The following RAB7A variants were observed in gnomAD, a reference collection of about 807,000 sequenced individuals.
RAB7A encodes the protein RAB7A, member RAS oncogene family, also known as ras-related protein Rab-7a.
Under a neutral mutation model 24.5 loss-of-function variants are expected in RAB7A, and 2 were observed. The observed-to-expected ratio is 0.08, with a 90% confidence interval of 0.03 to 0.26. The LOEUF is 0.26. Ranked by LOEUF, RAB7A falls within the 10% of genes least tolerant of loss-of-function variation. The pLI is 1.00. For missense variants in RAB7A, 118 were observed against 255.7 expected, an observed-to-expected ratio of 0.46 and a Z score of 3.67; for synonymous variants, 100 against 95.9, an observed-to-expected ratio of 1.04 and a Z score of -0.25.
chr3:128,799,006 G>T (rs1250785569), intron 3 of RAB7A: 1 of 172,034 alleles, frequency 5.8e-6, no homozygotes, highest in African/African-American at 2.4e-5. Context: ...TCACATCTGG[G>T]GCCAATCATT....
chr3:128,737,825 G>GTT lies in RAB7A; in HGVS notation c.-9+11497_-9+11498dup, dbSNP rs56027163. The stretch of plus-strand genomic sequence containing the variant: ...CACCACATCTGGCTATTTTTTTGTA[G>GTT]TTTTTTTTTTTTTTTTTTTTTTTTT... On this transcript the variant is annotated intron_variant, in intron 1 of 5. Transcript: ENST00000265062. Among the ~76,000 whole-genome samples the GTT allele has an allele frequency of 0.027, 1,612 of 59,362 alleles. 321 individuals carry two copies. The East Asian group carries it at 0.3, about 11-fold the overall frequency. 38.9% of individuals were successfully genotyped at this position (59,362 alleles called of 152,430 possible).
intron 1 of RAB7A, among the ~76,000 whole-genome samples, chr3:128,736,866 A>G (rs550865582): frequency 2.6e-4 from 39 of 152,218 alleles, no homozygotes; most frequent in Non-Finnish European, 5.3e-4. Context: ...GGGAAATAGC[A>G]CTAGTATCAT....
At chr3:128,749,800 G>A (rs1166113319) in intron 1 of RAB7A, among the ~76,000 whole-genome samples, 1 of 152,208 alleles carries the variant, frequency 6.6e-6, no homozygotes, top group Non-Finnish European at 1.5e-5. Context: ...CCCCAGCCAC[G>A]TGGAACTATA....
rs142137416 is a variant in RAB7A, at chr3:128,795,253, G to T, written c.-8-107G>T. Reference sequence around the variant, plus strand: ...TGGAAGGAAGATACCTAGCAGGAAGGTTCAGGGCCCTGCACTGTTGGGGCT... The same window carrying T: ...TGGAAGGAAGATACCTAGCAGGAAGTTTCAGGGCCCTGCACTGTTGGGGCT... On this transcript the variant is annotated intron_variant, in intron 1 of 5. Coordinates refer to ENST00000265062, the MANE Select transcript of RAB7A (RefSeq NM_004637.6). 585 of 925,964 alleles carry T rather than the reference G, an allele frequency of 6.3e-4. 6 individuals are homozygous for T. In the East Asian group the frequency reaches 0.011, roughly 18 times the overall value. The allele number at this position is 925,964 out of a possible 1,614,324, so 57.4% of individuals were successfully genotyped here.
At chr3:128,744,608 C>G (rs2070590663) in intron 1 of RAB7A, among the ~76,000 whole-genome samples, 1 of 152,216 alleles carries the variant, frequency 6.6e-6, no homozygotes, top group South Asian at 2.1e-4. Flanking sequence ...GGGGACCACA[C>G]CTGTGCCACT....
At chr3:128,801,563 A>G (rs1933699236) in intron 3 of RAB7A, among the ~76,000 whole-genome samples, 1 of 113,732 alleles carries the variant, frequency 8.8e-6, no homozygotes. Flanking sequence ...ATAGGGGGAG[A>G]AAATGAAGCA....
chr3:128,796,741 C>A (rs145970829), intron 2 of RAB7A, among the ~76,000 whole-genome samples: 106 of 152,240 alleles, frequency 7.0e-4, no homozygotes, highest in African/African-American at 2.5e-3. Flanking sequence ...CAGCTCACTG[C>A]AGCCTCAACC....
chr3:128,786,111 T>G (rs1475071536), intron 1 of RAB7A, among the ~76,000 whole-genome samples: 1 of 152,204 alleles, frequency 6.6e-6, no homozygotes, highest in African/African-American at 2.4e-5. Context: ...CTGATGAGCT[T>G]CTTTTTCTTC....
chr3:128,807,406 C>A, intron 4 of RAB7A, 137 bp from the exon 5 acceptor site: 2 of 1,332,460 alleles, frequency 1.5e-6, no homozygotes, highest in Non-Finnish European at 2.1e-6. Flanking sequence ...AGGTCTCCTC[C>A]AACACCCTCT....
intron 1 of RAB7A, among the ~76,000 whole-genome samples, chr3:128,773,285 G>T (rs1341229098): frequency 3.4e-5 from 5 of 148,984 alleles, no homozygotes; most frequent in Admixed American, 6.6e-5. Flanking sequence ...CCCAGCAGCC[G>T]CCCCATCTGA....
intron 1 of RAB7A, among the ~76,000 whole-genome samples, chr3:128,763,938 CTACT>C (rs977228154): frequency 3.0e-5 from 4 of 135,318 alleles, no homozygotes; most frequent in African/African-American, 1.1e-4. Flanking sequence ...TTTCCTCTAC[CTACT>C]TATTTTCAGA....
At chr3:128,787,103 C>T (rs1402425011) in intron 1 of RAB7A, among the ~76,000 whole-genome samples, 3 of 152,132 alleles carry the variant, frequency 2.0e-5, no homozygotes, top group Non-Finnish European at 4.4e-5. Flanking sequence ...TTCTTTCGTA[C>T]CTTCCTGAGT....
rs869119619 is a variant in RAB7A at position 128,809,936 on chromosome 3, CTTTTTTTTTTTTTTTTTTT to C, written c.528+2277_528+2295del. 5.2e-4 allele frequency among the ~76,000 whole-genome samples: 27 copies of C among 52,216 alleles called. 1 individual carries two copies. Among genetic ancestry groups the C allele is most frequent in the South Asian group, 3.1e-3 (3 of 968 alleles). The allele number at this position is 52,216 out of a possible 152,430, so 34.3% of individuals were successfully genotyped here. A position where few individuals can be genotyped will look rare whatever the true frequency, so the allele number is the denominator to read the frequency against. ...GAGGCAAGTTTCCTCTTGCCACAGT[CTTTTTTTTTTTTTTTTTTT>C]TTTTTTTTTTTGAGACGGAGTCTTG... On this transcript the variant is annotated intron_variant, in intron 5 of 5. Transcript: ENST00000265062.
intron 1 of RAB7A, among the ~76,000 whole-genome samples, chr3:128,755,462 A>G (rs749352905): frequency 7.2e-5 from 11 of 152,224 alleles, no homozygotes; most frequent in Non-Finnish European, 1.6e-4. Flanking sequence ...GTAGAAAACA[A>G]CAAACTCAAA....
chr3:128,729,504 G>A (rs2070413022), intron 1 of RAB7A, among the ~76,000 whole-genome samples: 2 of 151,296 alleles, frequency 1.3e-5, no homozygotes, highest in Admixed American at 6.6e-5. Context: ...CAGGAGGCAG[G>A]GCTTGCAGTG....
At chr3:128,735,901 C>T (rs2070486066) in intron 1 of RAB7A, among the ~76,000 whole-genome samples, 1 of 152,184 alleles carries the variant, frequency 6.6e-6, no homozygotes, top group Admixed American at 6.5e-5. Flanking sequence ...AGAGACTAAA[C>T]TTTTGGCTTA....
At chr3:128,807,776 C>G in intron 5 of RAB7A, 105 bp downstream of exon 5, 1 of 1,514,940 alleles carries the variant, frequency 6.6e-7, no homozygotes, top group Non-Finnish European at 9.1e-7. Context: ...CCACTCTTTT[C>G]TGTATAGCCA....
Position 128,806,605 on chromosome 3 carries a change from T to C in RAB7A, c.399+15T>C. On this transcript the variant is annotated intron_variant, in intron 4 of 5. Coordinates refer to ENST00000265062, the MANE Select transcript of RAB7A (RefSeq NM_004637.6). ...AAAACAGACAAGTAAGTACCAACGA[T>C]GATAGATATTGTCACAGACACCTGC... is the stretch of plus-strand genomic sequence containing the variant. 1 of 1,604,870 alleles carries C rather than the reference T, an allele frequency of 6.2e-7. No individual in the cohort carries two copies. Among genetic ancestry groups the C allele is most frequent in the African/African-American group, 1.3e-5 (1 of 74,836 alleles).
intron 1 of RAB7A, among the ~76,000 whole-genome samples, chr3:128,780,743 G>A (rs146961669): frequency 4.6e-5 from 7 of 152,362 alleles, no homozygotes; most frequent in African/African-American, 1.4e-4. Flanking sequence ...TTAGCATGAA[G>A]TGGATAGGAT....
Sources: allele counts gnomAD v4.1 joint callset (sites outside exome capture counted in the v4.1 genomes callset), GRCh38; gene constraint gnomAD v4.1.1; transcripts MANE v1.5; gene names NCBI Gene and HGNC (gene_info 2026-07-23, HGNC 2026-07-21).